The following MYO5B variants were observed in gnomAD, a reference collection of about 807,000 sequenced individuals.
MYO5B encodes unconventional myosin-Vb.
MYO5B carries 143 observed loss-of-function variants against 229.3 expected under a neutral mutation model. The ratio of observed to expected loss-of-function variants is 0.62; its 90% CI spans 0.54 to 0.72. The LOEUF is 0.72. MYO5B is among the 30% of genes least tolerant of loss of function. MYO5B has a pLI of 0.00. For synonymous variants in MYO5B, 918 were observed against 885.2 expected (o/e 1.04, Z -0.66); for missense variants, 2,321 against 2,331.0 (o/e 1.00, Z 0.09).
At chr18:49,828,911 TA>T (rs202086160) in intron 39 of MYO5B, among the ~76,000 whole-genome samples, 11,614 of 146,738 alleles carry the variant, frequency 0.079, 915 homozygotes, top group East Asian at 0.3. Flanking sequence ...ATGTCTACAT[TA>T]AAAAAAAAAA....
chr18:49,942,607 T>TG (rs1411447035), intron 14 of MYO5B, among the ~76,000 whole-genome samples: 1 of 151,738 alleles, frequency 6.6e-6, no homozygotes, highest in Non-Finnish European at 1.5e-5. Context: ...AAAAGACACA[T>TG]GAAAAAATGC....
rs115880615 is a variant in MYO5B, at chr18:49,878,211, G to T, written c.3277-329C>A. On this transcript the variant is annotated intron_variant, in intron 24 of 39. Coordinates refer to ENST00000285039, the MANE Select transcript of MYO5B (RefSeq NM_001080467.3). ...CAGTCACATTACCCACTTCTCCCTT[G>T]AAAGGAATGTTCCACACCTGCCCAG... Among the ~76,000 whole-genome samples the T allele has an allele frequency of 3.1e-3, 479 of 152,200 alleles. 3 individuals carry two copies. Among genetic ancestry groups the T allele is most frequent in the African/African-American group, 0.011 (448 of 41,540 alleles).
chr18:50,161,298 C>T (rs113683818), intron 1 of MYO5B, among the ~76,000 whole-genome samples: 19,761 of 152,092 alleles, frequency 0.13, 1,358 homozygotes, highest in South Asian at 0.21. Context: ...GCATGAGAAT[C>T]ACTTGAACTT....
At chr18:49,874,558 A>G (rs1289026623) in intron 26 of MYO5B, among the ~76,000 whole-genome samples, 1 of 151,838 alleles carries the variant, frequency 6.6e-6, no homozygotes, top group Non-Finnish European at 1.5e-5. Context: ...CTCAGGGGGA[A>G]AAAAAACAAG....
chr18:49,838,755 G>T (rs182502293), intron 36 of MYO5B, among the ~76,000 whole-genome samples: 4 of 152,238 alleles, frequency 2.6e-5, no homozygotes, highest in Admixed American at 2.6e-4. Context: ...GCATCGTGCC[G>T]ACTGCTGTGT....
Position 49,864,133 on chromosome 18 carries a change from C to T in MYO5B, c.3843+8G>A, listed in dbSNP as rs1475404954. 6.2e-6 allele frequency: 10 copies of T among 1,607,002 alleles called. No homozygotes were observed. The African/African-American group carries it at 1.1e-4, about 17-fold the overall frequency. On this transcript the variant is annotated splice_region_variant and intron_variant, in intron 28 of 39. Transcript: ENST00000285039. ...CGGCAGCCCCACCGCGGGCCGCCAT[C>T]TTGTTACCGCGTTCCTGCCGGCGAG...
intron 4 of MYO5B, among the ~76,000 whole-genome samples, chr18:50,024,596 G>A (rs890533050): frequency 6.6e-6 from 1 of 152,182 alleles, no homozygotes; most frequent in Admixed American, 6.5e-5. Flanking sequence ...TCTTTTGGCT[G>A]TAAGTACACT....
intron 6 of MYO5B, among the ~76,000 whole-genome samples, chr18:49,991,798 A>G (rs940731958): frequency 1.3e-5 from 2 of 152,218 alleles, no homozygotes; most frequent in Non-Finnish European, 2.9e-5. Context: ...CGTTCTGTAC[A>G]TGTATCCCAG....
chr18:49,859,202 CT>C (rs2024299446), intron 29 of MYO5B, among the ~76,000 whole-genome samples: 1 of 152,222 alleles, frequency 6.6e-6, no homozygotes, highest in African/African-American at 2.4e-5. Context: ...CTGGGCCTCT[CT>C]TTCTTTACGG....
intron 10 of MYO5B, among the ~76,000 whole-genome samples, chr18:49,971,646 A>G (rs1192127502): frequency 6.6e-6 from 1 of 152,180 alleles, no homozygotes; most frequent in Non-Finnish European, 1.5e-5. Flanking sequence ...ACATTTGTAA[A>G]ATTTCTTGGT....
chr18:50,006,909 T>A (rs1031279385), intron 4 of MYO5B, among the ~76,000 whole-genome samples: 9 of 152,132 alleles, frequency 5.9e-5, no homozygotes, highest in Admixed American at 4.6e-4. Flanking sequence ...ACCTGTGGTC[T>A]CCAAACTAGC....
intron 14 of MYO5B, among the ~76,000 whole-genome samples, chr18:49,946,061 T>C (rs1325651256): frequency 1.3e-5 from 2 of 152,020 alleles, no homozygotes; most frequent in South Asian, 2.1e-4. Flanking sequence ...AACTATACTA[T>C]TGGGTAGTGG....
Position 50,055,360 on chromosome 18 carries a change from G to A in MYO5B, c.46C>T (p.Pro16Ser). The A allele has an allele frequency of 6.2e-7, 1 of 1,613,654 alleles. No homozygotes were observed. Among genetic ancestry groups the A allele is most frequent in the Non-Finnish European group, 8.5e-7 (1 of 1,179,890 alleles). Residue 16 changes from proline to serine, a missense_variant, in exon 2 of 40, where the codon CCT (proline) becomes TCT (serine). Coordinates refer to ENST00000285039, the MANE Select transcript of MYO5B (RefSeq NM_001080467.3). Reference protein sequence around the residue: ...LYSQCTRVWIPDPDEVWRSAE... With the variant: ...LYSQCTRVWISDPDEVWRSAE... ...GAGCGCCATACCTCATCAGGGTCAG[G>A]GATCCAGACCCTTGTGCACTGAAAG...
At chr18:49,957,179 TG>T (rs1356546893) in intron 12 of MYO5B, among the ~76,000 whole-genome samples, 2 of 125,686 alleles carry the variant, frequency 1.6e-5, no homozygotes, top group Non-Finnish European at 3.2e-5. Flanking sequence ...GGCATGGCAG[TG>T]GGGGAGTGCA....
At chr18:50,022,434 A>C (rs2026286100) in intron 4 of MYO5B, among the ~76,000 whole-genome samples, 2 of 152,198 alleles carry the variant, frequency 1.3e-5, no homozygotes, top group South Asian at 4.1e-4. Flanking sequence ...TTTCTCTTCC[A>C]CATTTCTTTT....
intron 1 of MYO5B, among the ~76,000 whole-genome samples, chr18:50,076,195 C>T (rs2031073954): frequency 6.6e-6 from 1 of 152,208 alleles, no homozygotes. Context: ...AGAGGCAGAG[C>T]TCACTCACTG....
intron 16 of MYO5B, among the ~76,000 whole-genome samples, chr18:49,932,215 GCATCC>G (rs1327490689): frequency 6.6e-6 from 1 of 152,042 alleles, no homozygotes; most frequent in African/African-American, 2.4e-5. Flanking sequence ...CTGACCTCTG[GCATCC>G]CAGTTCGGTC....
intron 1 of MYO5B, among the ~76,000 whole-genome samples, chr18:50,069,712 C>T (rs978248283): frequency 6.6e-6 from 1 of 152,118 alleles, no homozygotes; most frequent in Admixed American, 6.5e-5. Context: ...AGATGAAAGA[C>T]ACTGAGATCC....
At chr18:50,018,721 C>T (rs959499710) in intron 4 of MYO5B, among the ~76,000 whole-genome samples, 1 of 152,170 alleles carries the variant, frequency 6.6e-6, no homozygotes, top group Non-Finnish European at 1.5e-5. Flanking sequence ...AGGCTCTAAG[C>T]TATCACATCA....
Sources: gnomAD v4.1 joint callset for allele counts (sites outside exome capture counted in the v4.1 genomes callset) on GRCh38, gnomAD v4.1.1 for gene constraint, MANE v1.5 for transcripts, NCBI Gene and HGNC (gene_info 2026-07-23, HGNC 2026-07-21) for gene names.